Variants in MAP4K3 observed in about 807,000 individuals in gnomAD.
MAP4K3 encodes the protein mitogen-activated protein kinase kinase kinase kinase 3.
A neutral mutation model predicts 143.5 loss-of-function variants in MAP4K3; 94 were observed. The ratio of observed to expected loss-of-function variants is 0.65; its 90% CI spans 0.55 to 0.78. MAP4K3 has a LOEUF of 0.78. MAP4K3 is among the 30% of genes least tolerant of loss of function. MAP4K3 has a pLI of 0.00. For missense variants in MAP4K3, 1,077 were observed against 1,068.1 expected, an observed-to-expected ratio of 1.01 and a Z score of -0.12; for synonymous variants, 416 against 347.2, an observed-to-expected ratio of 1.20 and a Z score of -2.20.
chr2:39,392,773 A>T (rs1666702401), intron 1 of MAP4K3, among the ~76,000 whole-genome samples: 1 of 152,200 alleles, frequency 6.6e-6, no homozygotes, highest in African/African-American at 2.4e-5. Context: ...TGGTTATAAA[A>T]GTGAGTTTGG....
At chr2:39,371,019 A>G (rs201594120) in intron 2 of MAP4K3, among the ~76,000 whole-genome samples, 3 of 151,338 alleles carry the variant, frequency 2.0e-5, no homozygotes, top group Non-Finnish European at 4.4e-5. Flanking sequence ...TCCATTTTTA[A>G]TTTTTTTTTC....
intron 13 of MAP4K3, among the ~76,000 whole-genome samples, chr2:39,311,181 G>A (rs1404319152): frequency 2.0e-5 from 3 of 152,106 alleles, no homozygotes; most frequent in Non-Finnish European, 4.4e-5. Context: ...GGGTTCAAGC[G>A]GTTCTCGTGC....
intron 1 of MAP4K3, among the ~76,000 whole-genome samples, chr2:39,387,659 G>C (rs1393401450): frequency 6.6e-6 from 1 of 152,186 alleles, no homozygotes; most frequent in African/African-American, 2.4e-5. Flanking sequence ...ACGCAATGAA[G>C]AGACAATCAA....
At chr2:39,261,514 A>AAT (rs1680567206) in intron 28 of MAP4K3, among the ~76,000 whole-genome samples, 1 of 152,226 alleles carries the variant, frequency 6.6e-6, no homozygotes, top group Non-Finnish European at 1.5e-5. Context: ...GGAGTAAGCA[A>AAT]ATGCTCATAC....
chr2:39,404,298 T>G (rs774372663), intron 1 of MAP4K3, among the ~76,000 whole-genome samples: 1 of 151,844 alleles, frequency 6.6e-6, no homozygotes, highest in Admixed American at 6.6e-5. Context: ...TTCTAGGCCT[T>G]GGCTCTTGGA....
rs1474581653 is a variant in MAP4K3, at chr2:39,394,153, C to T, written c.97-16030G>A. Reference sequence around the variant, plus strand: ...CCTCTTGCTAAAAATCTGCCTACTACGAGAGAATGGCCAATATGAATACCA... The same window carrying T: ...CCTCTTGCTAAAAATCTGCCTACTATGAGAGAATGGCCAATATGAATACCA... On this transcript the variant is annotated intron_variant, in intron 1 of 33. Transcript: ENST00000263881. 3.3e-5 allele frequency among the ~76,000 whole-genome samples: 5 copies of T among 152,198 alleles called. No homozygotes were observed. The East Asian group carries it at 5.8e-4, about 18-fold the overall frequency.
intron 21 of MAP4K3, among the ~76,000 whole-genome samples, chr2:39,285,430 TAC>T (rs943624043): frequency 3.3e-5 from 5 of 152,244 alleles, no homozygotes; most frequent in Non-Finnish European, 7.3e-5. Context: ...TATACTGTGT[TAC>T]AGTCACTCAG....
intron 12 of MAP4K3, among the ~76,000 whole-genome samples, chr2:39,322,544 C>A (rs1683341514): frequency 6.6e-6 from 1 of 151,002 alleles, no homozygotes; most frequent in South Asian, 2.1e-4. Flanking sequence ...AACTTTCTTC[C>A]ACAGTGCATA....
chr2:39,322,680 T>A (rs1006405020), intron 12 of MAP4K3, among the ~76,000 whole-genome samples: 1 of 150,944 alleles, frequency 6.6e-6, no homozygotes, highest in South Asian at 2.1e-4. Flanking sequence ...TTTTTGTTTT[T>A]TTTTTTTGAG....
intron 13 of MAP4K3, among the ~76,000 whole-genome samples, chr2:39,311,638 A>C (rs1219593931): frequency 6.6e-6 from 1 of 152,198 alleles, no homozygotes; most frequent in Admixed American, 6.5e-5. Flanking sequence ...GAGCAGCCCT[A>C]AAGAGAGGCC....
At position 39,383,296 on chromosome 2, in the gene MAP4K3, C is replaced by T. The variant is rs755349051; in HGVS notation, c.97-5173G>A. ...GGGGAAGCAAACATGTCCTCCTTCACGTGGCAACAGGAATGAAAAGTGCCA... is the reference window on the plus strand; with the variant it reads ...GGGGAAGCAAACATGTCCTCCTTCATGTGGCAACAGGAATGAAAAGTGCCA... On this transcript the variant is annotated intron_variant, in intron 1 of 33. Transcript: ENST00000263881. Among the ~76,000 whole-genome samples, 60 of 152,112 alleles carry T rather than the reference C, an allele frequency of 3.9e-4. 1 individual carries two copies. Among genetic ancestry groups the T allele is most frequent in the Admixed American group, 6.5e-5 (1 of 15,274 alleles).
chr2:39,404,547 C>G (rs1667039620), intron 1 of MAP4K3, among the ~76,000 whole-genome samples: 1 of 151,578 alleles, frequency 6.6e-6, no homozygotes, highest in Non-Finnish European at 1.5e-5. Context: ...GGTTTGAGTA[C>G]CAGCTCAGCC....
At chr2:39,298,003 T>C (rs1211160118) in intron 16 of MAP4K3, among the ~76,000 whole-genome samples, 1 of 147,932 alleles carries the variant, frequency 6.8e-6, no homozygotes, top group Non-Finnish European at 1.5e-5. Flanking sequence ...AGGGGCTACA[T>C]TTTTTTTTTG....
chr2:39,282,476 A>T (rs1259645593), intron 22 of MAP4K3, 37 bp downstream of exon 22: 1 of 1,557,416 alleles, frequency 6.4e-7, no homozygotes, highest in Non-Finnish European at 8.8e-7. Flanking sequence ...CAAGTGACTT[A>T]GCTTGAAACT....
chr2:39,315,516 AAT>A (rs1491299433), intron 12 of MAP4K3, 128 bp from the exon 13 acceptor site: 20 of 483,560 alleles, frequency 4.1e-5, no homozygotes, highest in East Asian at 4.1e-4. Flanking sequence ...GCACTTTGCA[AAT>A]TTTTTTTTTT....
intron 2 of MAP4K3, among the ~76,000 whole-genome samples, chr2:39,359,279 T>C (rs1665698931): frequency 1.3e-5 from 2 of 152,088 alleles, no homozygotes; most frequent in African/African-American, 2.4e-5. Flanking sequence ...AGGGTAGTCA[T>C]TAAATCTTAA....
intron 7 of MAP4K3, among the ~76,000 whole-genome samples, chr2:39,332,722 G>A (rs1018782261): frequency 6.6e-6 from 1 of 151,928 alleles, no homozygotes; most frequent in Non-Finnish European, 1.5e-5. Context: ...AAAAAGAACA[G>A]GACATATCTT....
intron 15 of MAP4K3, among the ~76,000 whole-genome samples, chr2:39,302,338 A>G (rs142196451): frequency 3.5e-4 from 54 of 152,374 alleles, no homozygotes; most frequent in Admixed American, 7.2e-4. Context: ...TAGGAATACC[A>G]TAAGTAAAAT....
chr2:39,402,528 G>A (rs200449280), intron 1 of MAP4K3, among the ~76,000 whole-genome samples: 1 of 151,852 alleles, frequency 6.6e-6, no homozygotes, highest in East Asian at 1.9e-4. Context: ...ACAAATGCTC[G>A]TAAAAGGAAA....
Sources: gnomAD v4.1 joint callset for allele counts (sites outside exome capture counted in the v4.1 genomes callset) on GRCh38, gnomAD v4.1.1 for gene constraint, MANE v1.5 for transcripts, NCBI Gene and HGNC (gene_info 2026-07-23, HGNC 2026-07-21) for gene names.